The following RBMX2 variants were observed in gnomAD, a reference collection of about 807,000 sequenced individuals.
RBMX2 encodes the protein RNA-binding motif protein, X-linked 2.
For synonymous variants in RBMX2, 77 were observed against 94.3 expected (o/e 0.82, Z 1.07); for missense variants, 191 against 256.0 (o/e 0.75, Z 1.73).
At chrX:130,411,182 T>C (rs780080070) in intron 4 of RBMX2, 166 bp from the exon 5 acceptor site, 3 of 402,858 alleles carry the variant, frequency 7.4e-6, no homozygotes, top group Non-Finnish European at 1.2e-5. Flanking sequence ...AATATTTAGG[T>C]GTACATGCTA....
rs2034483819 is a variant in RBMX2, at chrX:130,406,055, C to A, written c.173+2202C>A. 3.0e-5 allele frequency among the ~76,000 whole-genome samples: 2 copies of A among 66,607 alleles called. 1 individual carries two copies. The highest frequency in any genetic ancestry group is 4.8e-5 in the Non-Finnish European group (2 of 41,647). 57.8% of individuals were successfully genotyped at this position (66,607 alleles called of 115,157 possible). On this transcript the variant is annotated intron_variant, in intron 3 of 5. Coordinates refer to ENST00000305536, the MANE Select transcript of RBMX2 (RefSeq NM_016024.4). ...TATTTTTAGTAGAGACGGGGTTTCA[C>A]CGTTTTAGCCGGGATGGTCTCGATC... is the stretch of plus-strand genomic sequence containing the variant.
intron 3 of RBMX2, among the ~76,000 whole-genome samples, chrX:130,405,045 T>C (rs145523572): frequency 8.9e-6 from 1 of 112,372 alleles, no homozygotes; most frequent in African/African-American, 3.2e-5. Context: ...TTGCTCTCCA[T>C]GAAGATTGCC....
In RBMX2 at chrX:130,412,412, A is replaced by T. The variant is rs757699467; in HGVS notation, c.533A>T (p.Glu178Val). Reference protein sequence around the residue: ...KKKEKEKADREVQAEQPSSSS... With the variant: ...KKKEKEKADRVVQAEQPSSSS... ...AAAGAAAAAGAGAAAGCCGACCGGG[A>T]GGTACAGGCAGAGCAACCATCCTCT... The change falls in exon 6 of 6, where the codon GAG (glutamate) becomes GTG (valine). Residue 178 changes from glutamate (E) to valine (V), a missense_variant. Coordinates refer to ENST00000305536, the MANE Select transcript of RBMX2 (RefSeq NM_016024.4). 7 of 1,181,952 alleles carry T rather than the reference A, an allele frequency of 5.9e-6. No individual in the cohort carries two copies. Among genetic ancestry groups the T allele is most frequent in the African/African-American group, 1.8e-5 (1 of 54,667 alleles).
At chrX:130,408,732 C>G (rs1487783060) in intron 3 of RBMX2, among the ~76,000 whole-genome samples, 1 of 111,412 alleles carries the variant, frequency 9.0e-6, no homozygotes, top group Non-Finnish European at 1.9e-5. Context: ...TTGTAGGATT[C>G]AAAGATATCT....
In RBMX2 at chrX:130,403,812, T is replaced by G; in HGVS notation, c.132T>G (p.Pro44=). The G allele has an allele frequency of 8.3e-7, 1 of 1,211,181 alleles. No homozygotes were observed. The change falls in exon 3 of 6, where the codon CCT becomes CCG. Residue 44 remains proline, a synonymous_variant. Transcript: ENST00000305536. ...GGTTTTCTCTTCTAGGAGGGCTTCC[T>G]TATGAACTGACTGAAGGGGACATCA... ...DSAWIFLGGL[P]YELTEGDIIC...
chrX:130,405,131 C>G (rs1222900381), intron 3 of RBMX2, among the ~76,000 whole-genome samples: 1 of 111,860 alleles, frequency 8.9e-6, no homozygotes, highest in Non-Finnish European at 1.9e-5. Flanking sequence ...GTAATCCCAG[C>G]ACTTTGGGAG....
At chrX:130,408,968 T>G (rs1244646759) in intron 3 of RBMX2, among the ~76,000 whole-genome samples, 1 of 112,298 alleles carries the variant, frequency 8.9e-6, no homozygotes, top group Non-Finnish European at 1.9e-5. Flanking sequence ...TTTCCTGGCT[T>G]ATACCTTTGT....
At chrX:130,409,998 G>A (rs772341933) in intron 4 of RBMX2, among the ~76,000 whole-genome samples, 1 of 112,533 alleles carries the variant, frequency 8.9e-6, no homozygotes, top group East Asian at 2.8e-4. Context: ...TGCTCCATGT[G>A]GTTGCTGCAC....
intron 1 of RBMX2, 31 bp from the exon 2 acceptor site, chrX:130,402,224 T>TGCCCCCC: frequency 8.5e-7 from 1 of 1,174,326 alleles, no homozygotes; most frequent in Non-Finnish European, 1.1e-6. Flanking sequence ...CTTTTCTGCC[T>TGCCCCCC]ACCCTCCCCA....
intron 3 of RBMX2, 99 bp from the exon 4 acceptor site, chrX:130,409,158 C>T (rs1336024439): frequency 8.0e-6 from 6 of 750,660 alleles, no homozygotes; most frequent in Non-Finnish European, 1.1e-5. Context: ...AGATGCATCT[C>T]TTGTATACAC....
rs923125765 is a variant in RBMX2 at position 130,412,952 on chromosome X, A to C, written c.*104A>C. ...TTGTATCTAAAACTTCTGGGGCTGG[A>C]TTCTTTTAATCCCTTGACTATTTAG... On this transcript the variant is annotated 3_prime_UTR_variant, in exon 6 of 6. Transcript: ENST00000305536. 8 of 840,470 alleles carry C rather than the reference A, an allele frequency of 9.5e-6. No individual in the cohort carries two copies. In the African/African-American group the frequency reaches 1.7e-4, roughly 18 times the overall value. 69.3% of individuals were successfully genotyped at this position (840,470 alleles called of 1,213,427 possible). A position where few individuals can be genotyped will look rare whatever the true frequency, so the allele number is the denominator to read the frequency against.
In RBMX2 at chrX:130,412,738, C is replaced by T. The variant is rs1464075890; in HGVS notation, c.859C>T (p.Arg287Cys). ...SSWYNGRSEG[R>C]SYRSRSRSRD... ...CTGGTATAATGGGCGTTCTGAAGGG[C>T]GTAGTTATAGAAGTAGAAGTAGGAG... Residue 287 changes from arginine (R) to cysteine (C), a missense_variant, in exon 6 of 6, where the codon CGT (arginine) becomes TGT (cysteine). By Grantham distance (180) the Arg-to-Cys change is radical (BLOSUM62 -3). Transcript: ENST00000305536. The T allele has an allele frequency of 9.9e-6, 12 of 1,208,393 alleles. No homozygotes were observed. Among genetic ancestry groups the T allele is most frequent in the South Asian group, 1.8e-5 (1 of 56,698 alleles).
At chrX:130,408,294 A>C (rs2034495532) in intron 3 of RBMX2, among the ~76,000 whole-genome samples, 1 of 112,118 alleles carries the variant, frequency 8.9e-6, no homozygotes, top group South Asian at 3.6e-4. Flanking sequence ...CACCATGCCG[A>C]GCCTAATTTC....
Position 130,412,991 on chromosome X carries a change from G to C in RBMX2, c.*143G>C. The stretch of plus-strand genomic sequence containing the variant: ...TTGACTATTTAGAGTCATTGGGAGG[G>C]CTGCAGTTTCAACAGCTAGATATCC... On this transcript the variant is annotated 3_prime_UTR_variant, in exon 6 of 6. Coordinates refer to ENST00000305536, the MANE Select transcript of RBMX2 (RefSeq NM_016024.4). 3.3e-6 allele frequency: 2 copies of C among 597,240 alleles called. No individual in the cohort carries two copies. 49.2% of individuals were successfully genotyped at this position (597,240 alleles called of 1,213,427 possible).
At chrX:130,403,437 C>T (rs931880429) in intron 2 of RBMX2, among the ~76,000 whole-genome samples, 7 of 112,193 alleles carry the variant, frequency 6.2e-5, no homozygotes, top group Admixed American at 9.4e-5. Flanking sequence ...GGCACGATCT[C>T]GGCGCACTAC....
Position 130,409,199 on chromosome X carries a change from A to G in RBMX2, c.174-58A>G, listed in dbSNP as rs1337347569. 7 of 1,055,513 alleles carry G rather than the reference A, an allele frequency of 6.6e-6. No homozygotes were observed. In the African/African-American group the frequency reaches 1.1e-4, roughly 17 times the overall value. The allele number at this position is 1,055,513 out of a possible 1,213,427, so 87.0% of individuals were successfully genotyped here. On this transcript the variant is annotated intron_variant, in intron 3 of 5. Coordinates refer to ENST00000305536, the MANE Select transcript of RBMX2 (RefSeq NM_016024.4). The stretch of plus-strand genomic sequence containing the variant: ...TATTTGAATTTTGTTTTATTACCTT[A>G]TCTGCATGTTTTTGCCTTTTAAGTC...
intron 4 of RBMX2, 151 bp downstream of exon 4, chrX:130,409,537 GA>G (rs1192904844): frequency 2.6e-5 from 15 of 568,689 alleles, no homozygotes; most frequent in Non-Finnish European, 4.0e-5. Context: ...GTCAAGAAGA[GA>G]TTCCAGGAAA....
chrX:130,402,225 A>AACCAACCCC, intron 1 of RBMX2, 30 bp from the exon 2 acceptor site: 1 of 984,795 alleles, frequency 1.0e-6, no homozygotes, highest in Non-Finnish European at 1.4e-6. Flanking sequence ...TTTTCTGCCT[A>AACCAACCCC]CCCTCCCCAC....
Position 130,412,439 on chromosome X carries a change from C to T in RBMX2, c.560C>T (p.Ser187Leu), listed in dbSNP as rs371928616. The change falls in exon 6 of 6, where the codon TCG becomes TTG. Residue 187 changes from serine (S) to leucine (L), a missense_variant. Physicochemically the swap from Ser to Leu is moderately radical, Grantham distance 145. Transcript: ENST00000305536. Reference protein sequence around the residue: ...REVQAEQPSSSSPRRKTVKEK... With the variant: ...REVQAEQPSSLSPRRKTVKEK... ...GTACAGGCAGAGCAACCATCCTCTT[C>T]GTCACCCAGACGCAAGACAGTAAAG... 18 of 1,209,729 alleles carry T rather than the reference C, an allele frequency of 1.5e-5. No homozygotes were observed. Among genetic ancestry groups the T allele is most frequent in the African/African-American group, 7.0e-5 (4 of 57,334 alleles).
Sources: allele counts gnomAD v4.1 joint callset (sites outside exome capture counted in the v4.1 genomes callset), GRCh38; gene constraint gnomAD v4.1.1; transcripts MANE v1.5; gene names NCBI Gene and HGNC (gene_info 2026-07-23, HGNC 2026-07-21).